TF: variants seen among roughly 807,000 people sequenced by gnomAD.
TF encodes the protein serotransferrin.
A neutral mutation model predicts 82.4 loss-of-function variants in TF; 55 were observed. The ratio of observed to expected loss-of-function variants is 0.67; its 90% CI spans 0.54 to 0.84. TF has a LOEUF of 0.84. Ranked by LOEUF, TF falls within the 40% of genes least tolerant of loss-of-function variation. The probability of loss-of-function intolerance (pLI) is 0.00; values close to 1 mark genes in which losing one functional copy is unlikely to be tolerated. For synonymous variants in TF, 332 were observed against 332.6 expected, an observed-to-expected ratio of 1.00 and a Z score of 0.02; for missense variants, 737 against 868.4, an observed-to-expected ratio of 0.85 and a Z score of 1.90.
chr3:133,716,188 G>A, the TF span, among the ~76,000 whole-genome samples: 1 of 152,052 alleles, frequency 6.6e-6, no homozygotes. Context: ...TTCTCTTGGT[G>A]GGTTTATCTC....
At chr3:133,685,066 A>T in the TF span, among the ~76,000 whole-genome samples, 3 of 152,180 alleles carry the variant, frequency 2.0e-5, no homozygotes, top group African/African-American at 7.2e-5. Flanking sequence ...AAATCAATAA[A>T]CTAATCCATC....
the TF span, among the ~76,000 whole-genome samples, chr3:133,728,910 A>G: frequency 6.6e-6 from 1 of 152,282 alleles, no homozygotes; most frequent in Admixed American, 6.5e-5. Context: ...TGAGTTTGCT[A>G]GAGGTCCACT....
chr3:133,767,239 T>C (rs1250973414), intron 12 of TF, among the ~76,000 whole-genome samples: 1 of 152,210 alleles, frequency 6.6e-6, no homozygotes, highest in Non-Finnish European at 1.5e-5. Context: ...TATGAGCTTA[T>C]TTCTACCCCG....
At chr3:133,706,495 A>G in the TF span, among the ~76,000 whole-genome samples, 1 of 152,048 alleles carries the variant, frequency 6.6e-6, no homozygotes, top group African/African-American at 2.4e-5. Context: ...CAGCAGCATC[A>G]GCATCCCCTA....
chr3:133,706,479 C>G, the TF span, among the ~76,000 whole-genome samples: 1 of 151,584 alleles, frequency 6.6e-6, no homozygotes, highest in African/African-American at 2.4e-5. Context: ...GGTGTAGTCT[C>G]TGGACCAGCA....
chr3:133,741,750 A>G (rs977281076), upstream of TF, among the ~76,000 whole-genome samples: 1 of 152,188 alleles, frequency 6.6e-6, no homozygotes, highest in Non-Finnish European at 1.5e-5. Flanking sequence ...GATAGCTTAC[A>G]TTCCTGGAAT....
At chr3:133,728,471 C>T in the TF span, among the ~76,000 whole-genome samples, 1 of 152,096 alleles carries the variant, frequency 6.6e-6, no homozygotes, top group Non-Finnish European at 1.5e-5. Flanking sequence ...CTGCATTCTT[C>T]ACGTAGTTCT....
rs1320548127 is a variant in TF at position 133,791,909 on chromosome 3, A to G, written c.*13289A>G. Reference sequence around the variant, plus strand: ...AATAAGAGCTTAAATCAAATATTTTATCAGAAAAGTAAAAAATGTAATGCC... The same window carrying G: ...AATAAGAGCTTAAATCAAATATTTTGTCAGAAAAGTAAAAAATGTAATGCC... On this transcript the variant is annotated 3_prime_UTR_variant, in exon 17 of 17. Coordinates refer to ENST00000402696, the MANE Select transcript of TF (RefSeq NM_001063.4). 1 of 152,252 alleles carries G rather than the reference A, an allele frequency of 6.6e-6. No homozygotes were observed. Among genetic ancestry groups the G allele is most frequent in the East Asian group, 1.9e-4 (1 of 5,204 alleles). 9.4% of individuals were successfully genotyped at this position (152,252 alleles called of 1,614,324 possible).
the TF span, among the ~76,000 whole-genome samples, chr3:133,725,462 G>C: frequency 1.3e-5 from 2 of 152,088 alleles, no homozygotes; most frequent in Non-Finnish European, 2.9e-5. Context: ...CTGTTTGTCT[G>C]TTATTGGTGT....
chr3:133,749,853 G>A (rs893352788), intron 2 of TF, among the ~76,000 whole-genome samples: 1 of 152,196 alleles, frequency 6.6e-6, no homozygotes, highest in Admixed American at 6.5e-5. Flanking sequence ...GTGGTGATGT[G>A]AGCATTTTAA....
the TF span, among the ~76,000 whole-genome samples, chr3:133,711,586 C>T: frequency 6.6e-6 from 1 of 152,124 alleles, no homozygotes; most frequent in East Asian, 1.9e-4. Flanking sequence ...CCTCCTTCCA[C>T]TCATCTCCCT....
chr3:133,711,802 G>A, the TF span, among the ~76,000 whole-genome samples: 3 of 151,858 alleles, frequency 2.0e-5, no homozygotes, highest in Admixed American at 6.6e-5. Flanking sequence ...TCTCTCTAAC[G>A]ATAAAGAACA....
At chr3:133,743,262 A>G (rs2107902744), upstream of TF, among the ~76,000 whole-genome samples, 1 of 152,308 alleles carries the variant, frequency 6.6e-6, no homozygotes, top group Non-Finnish European at 1.5e-5. Flanking sequence ...ATACAAGGGG[A>G]TAAAAACATG....
intron 3 of TF, 79 bp from the exon 4 acceptor site, chr3:133,754,416 T>G: frequency 6.8e-7 from 1 of 1,467,468 alleles, no homozygotes; most frequent in South Asian, 1.1e-5. Context: ...CTCCCCTCCC[T>G]CCTCAAGAGT....
intron 11 of TF, among the ~76,000 whole-genome samples, chr3:133,765,461 C>T (rs1178377826): frequency 6.6e-6 from 1 of 152,186 alleles, no homozygotes; most frequent in Non-Finnish European, 1.5e-5. Flanking sequence ...AGAAACAGAG[C>T]AGGAGCAAGT....
At chr3:133,721,065 G>T in the TF span, among the ~76,000 whole-genome samples, 4 of 151,754 alleles carry the variant, frequency 2.6e-5, no homozygotes, top group African/African-American at 9.7e-5. Flanking sequence ...TAATTTTTTT[G>T]AACTGTTTCT....
chr3:133,791,353 G>A lies in TF; in HGVS notation c.*12733G>A, dbSNP rs1163483639. 1 of 152,028 alleles carries A rather than the reference G, an allele frequency of 6.6e-6. No individual in the cohort carries two copies. Among genetic ancestry groups the A allele is most frequent in the Non-Finnish European group, 1.5e-5 (1 of 68,006 alleles). 9.4% of individuals were successfully genotyped at this position (152,028 alleles called of 1,614,324 possible). A position where few individuals can be genotyped will look rare whatever the true frequency, so the allele number is the denominator to read the frequency against. ...TATTTGTGAATATTCTTAATTCATG[G>A]CAATGTGTTTGTTTGCATATAGTCA... On this transcript the variant is annotated 3_prime_UTR_variant, in exon 17 of 17. Coordinates refer to ENST00000402696, the MANE Select transcript of TF (RefSeq NM_001063.4).
the TF span, among the ~76,000 whole-genome samples, chr3:133,706,775 G>A: frequency 2.2e-4 from 33 of 152,266 alleles, no homozygotes; most frequent in African/African-American, 7.7e-4. Context: ...CTGGGTCATA[G>A]GACCCTGCAC....
chr3:133,721,268 A>G, the TF span, among the ~76,000 whole-genome samples: 1 of 152,088 alleles, frequency 6.6e-6, no homozygotes. Context: ...GCTGTGTCTC[A>G]TAGGTTTTAG....
Sources: gnomAD v4.1 joint callset for allele counts (sites outside exome capture counted in the v4.1 genomes callset) on GRCh38, gnomAD v4.1.1 for gene constraint, MANE v1.5 for transcripts, NCBI Gene and HGNC (gene_info 2026-07-23, HGNC 2026-07-21) for gene names.